Variants in PPARD observed in about 807,000 individuals in gnomAD.
PPARD encodes the protein peroxisome proliferator-activated receptor delta.
PPARD carries 6 observed loss-of-function variants against 39.5 expected under a neutral mutation model. That is an observed-to-expected ratio of 0.15 (90% CI 0.08 to 0.30). The LOEUF (loss-of-function observed/expected upper bound fraction) is 0.30. PPARD is among the 10% of genes least tolerant of loss of function. The probability of loss-of-function intolerance (pLI) is 1.00; values close to 1 mark genes in which losing one functional copy is unlikely to be tolerated. For missense variants in PPARD, 397 were observed against 596.8 expected (o/e 0.67, Z 3.49); for synonymous variants, 210 against 231.3 (o/e 0.91, Z 0.83).
intron 1 of PPARD, among the ~76,000 whole-genome samples, chr6:35,344,450 G>A (rs1792051008): frequency 6.6e-6 from 1 of 151,932 alleles, no homozygotes; most frequent in Admixed American, 6.6e-5. Flanking sequence ...CACCTTCCAT[G>A]TGTGTCTGGA....
In PPARD at chr6:35,424,124, C is replaced by A; in HGVS notation, c.603C>A (p.Leu201=). Residue 201 remains leucine (L), a synonymous_variant, in exon 6 of 8, where the codon CTC becomes CTA. Coordinates refer to ENST00000360694, the MANE Select transcript of PPARD (RefSeq NM_006238.5). This position sits in a 1 kb window ranked among gnomAD's most constrained non-coding sequence, Gnocchi z 7.1. ...NMTKKKARSI[L]TGKASHTAPF... ...CCAAAAAGAAGGCCCGCAGCATCCT[C>A]ACCGGCAAAGCCAGCCACACGGCGG... The A allele has an allele frequency of 6.2e-7, 1 of 1,613,308 alleles. No homozygotes were observed. The highest frequency in any genetic ancestry group is 1.6e-4 in the Middle Eastern group (1 of 6,062).
chr6:35,386,946 C>T (rs1396251942), intron 2 of PPARD, among the ~76,000 whole-genome samples: 4 of 151,342 alleles, frequency 2.6e-5, no homozygotes, highest in Non-Finnish European at 5.9e-5. Flanking sequence ...ATCTCCTAAC[C>T]TTGGTTTATA....
At chr6:35,416,051 A>G (rs1032490216) in intron 3 of PPARD, among the ~76,000 whole-genome samples, 5 of 152,046 alleles carry the variant, frequency 3.3e-5, no homozygotes, top group Non-Finnish European at 5.9e-5. Context: ...GCTTTACTCA[A>G]AGTCTTCTGA....
chr6:35,349,016 C>T, intron 2 of PPARD: 3 of 981,404 alleles, frequency 3.1e-6, no homozygotes, highest in Non-Finnish European at 3.6e-6. Context: ...AGGAACTTCT[C>T]TTCTCCTTTC....
chr6:35,384,216 G>C (rs1161387788), intron 2 of PPARD, among the ~76,000 whole-genome samples: 72 of 125,974 alleles, frequency 5.7e-4, no homozygotes, highest in South Asian at 1.0e-3. Context: ...AGGGAGGTGG[G>C]GGGGTCAGCC....
intron 1 of PPARD, 142 bp from the exon 2 acceptor site, chr6:35,346,925 G>GGGT (rs1792215838): frequency 1.8e-6 from 1 of 557,142 alleles, no homozygotes; most frequent in African/African-American, 1.9e-5. Flanking sequence ...TCACATCTCA[G>GGGT]GGTGGTGTGT....
intron 2 of PPARD, among the ~76,000 whole-genome samples, chr6:35,368,283 T>G (rs1762307459): frequency 6.6e-6 from 1 of 152,254 alleles, no homozygotes; most frequent in Non-Finnish European, 1.5e-5. Context: ...GCATGGAATT[T>G]CCCTGTGGAG....
At chr6:35,347,247 G>C (rs1236477615) in intron 2 of PPARD, 97 bp downstream of exon 2, 1 of 1,413,554 alleles carries the variant, frequency 7.1e-7, no homozygotes, top group Non-Finnish European at 9.6e-7. Flanking sequence ...TTTCACTAGG[G>C]CTTATTCCCA....
intron 2 of PPARD, among the ~76,000 whole-genome samples, chr6:35,399,435 G>GT (rs1439819068): frequency 1.3e-5 from 2 of 151,570 alleles, no homozygotes; most frequent in Non-Finnish European, 2.9e-5. Context: ...GCTGGGTGCA[G>GT]TGGCTCATGC....
At position 35,425,159 on chromosome 6, in the gene PPARD, A is replaced by G; in HGVS notation, c.1078+380A>G. 1 of 793,766 alleles carries G rather than the reference A, an allele frequency of 1.3e-6. No individual in the cohort carries two copies. Among genetic ancestry groups the G allele is most frequent in the African/African-American group, 1.8e-5 (1 of 54,968 alleles). 49.2% of individuals were successfully genotyped at this position (793,766 alleles called of 1,614,324 possible). On this transcript the variant is annotated intron_variant, in intron 7 of 7. Transcript: ENST00000360694. This position sits in a 1 kb window ranked among gnomAD's most constrained non-coding sequence, Gnocchi z 4.5. ...TGTGGTGGCACGCGCCTGTAATCCC[A>G]GCTACTTGGGAGGCTGAGCCAGGAG...
At chr6:35,360,402 G>A (rs965601757) in intron 2 of PPARD, among the ~76,000 whole-genome samples, 15 of 152,182 alleles carry the variant, frequency 9.9e-5, no homozygotes, top group African/African-American at 3.4e-4. Flanking sequence ...GTTACCCCAC[G>A]GATGAGATCA....
intron 2 of PPARD, among the ~76,000 whole-genome samples, chr6:35,377,414 T>C (rs1762871299): frequency 6.6e-6 from 1 of 152,212 alleles, no homozygotes; most frequent in Non-Finnish European, 1.5e-5. Context: ...GCGTGTCATA[T>C]GAAGCTTTTC....
chr6:35,425,071 G>A lies in PPARD; in HGVS notation c.1078+292G>A, dbSNP rs1012654986. On this transcript the variant is annotated intron_variant, in intron 7 of 7. Transcript: ENST00000360694. This position sits in a 1 kb window ranked among gnomAD's most constrained non-coding sequence, Gnocchi z 4.5. ...GTGGATCACTTGAGGTCAGGAGTTC[G>A]AAACCAGCCTGGCCAACATGGTGAA... is the stretch of plus-strand genomic sequence containing the variant. 3.0e-5 allele frequency: 33 copies of A among 1,115,706 alleles called. No individual in the cohort carries two copies. The highest frequency in any genetic ancestry group is 1.3e-4 in the African/African-American group (8 of 63,200). 69.1% of individuals were successfully genotyped at this position (1,115,706 alleles called of 1,614,324 possible). A position where few individuals can be genotyped will look rare whatever the true frequency, so the allele number is the denominator to read the frequency against.
At chr6:35,406,021 G>C (rs1765025599) in intron 2 of PPARD, among the ~76,000 whole-genome samples, 1 of 151,978 alleles carries the variant, frequency 6.6e-6, no homozygotes, top group Non-Finnish European at 1.5e-5. Flanking sequence ...CTCCCCTCCG[G>C]GTTCAAGTGA....
chr6:35,380,470 T>TG (rs1763080762), intron 2 of PPARD, among the ~76,000 whole-genome samples: 15 of 103,738 alleles, frequency 1.4e-4, no homozygotes, highest in African/African-American at 3.2e-4. Context: ...TTTTTTTTTT[T>TG]TGTTTGTTTT....
chr6:35,411,125 A>T lies in PPARD; in HGVS notation c.38A>T (p.Glu13Val). 6.3e-7 allele frequency: 1 copy of T among 1,586,064 alleles called. No homozygotes were observed. Among genetic ancestry groups the T allele is most frequent in the Non-Finnish European group, 8.6e-7 (1 of 1,165,164 alleles). Residue 13 changes from glutamate (E) to valine (V), a missense_variant, in exon 3 of 8, where the codon GAA (glutamate) becomes GTA (valine). Glu to Val is a moderately radical substitution (Grantham distance 121, BLOSUM62 -2). Coordinates refer to ENST00000360694, the MANE Select transcript of PPARD (RefSeq NM_006238.5). ...CAGGAGGAAGCCCCTGAGGTCCGGG[A>T]AGAGGAGGAGAAAGAGGAAGTGGCA... Reference protein sequence around the residue: ...QPQEEAPEVREEEEKEEVAEA... With the variant: ...QPQEEAPEVRVEEEKEEVAEA...
At chr6:35,364,835 G>A (rs1187235704) in intron 2 of PPARD, among the ~76,000 whole-genome samples, 4 of 151,532 alleles carry the variant, frequency 2.6e-5, no homozygotes, top group African/African-American at 9.7e-5. Context: ...TCAGCCTCCC[G>A]AGTAGCTGGG....
At chr6:35,350,019 G>C (rs1195406199) in intron 2 of PPARD, among the ~76,000 whole-genome samples, 2 of 152,188 alleles carry the variant, frequency 1.3e-5, no homozygotes, top group Admixed American at 1.3e-4. Context: ...TGGGATTACA[G>C]GCATGAGCTA....
chr6:35,399,004 A>C (rs939938530), intron 2 of PPARD, among the ~76,000 whole-genome samples: 6 of 152,088 alleles, frequency 3.9e-5, no homozygotes, highest in Admixed American at 2.0e-4. Context: ...AGTCCCAGCT[A>C]TGGGAGTCTG....
Sources: gnomAD v4.1 joint callset for allele counts (sites outside exome capture counted in the v4.1 genomes callset) on GRCh38, gnomAD v4.1.1 for gene constraint, Gnocchi (gnomAD v3.1) non-coding constraint, MANE v1.5 for transcripts, NCBI Gene and HGNC (gene_info 2026-07-23, HGNC 2026-07-21) for gene names.